YBX2: variants seen among roughly 807,000 people sequenced by gnomAD.
The protein encoded by YBX2 is Y-box-binding protein 2.
In YBX2, 5 loss-of-function variants were observed where a neutral mutation model predicts 44.4. The observed-to-expected ratio is 0.11, with a 90% CI of 0.06 to 0.24. YBX2 has a LOEUF of 0.24. Among genes scored for constraint, YBX2 ranks in the 10% least tolerant of loss-of-function variants. YBX2 has a pLI of 1.00. For synonymous variants in YBX2, 188 were observed against 216.1 expected (o/e 0.87, Z 1.14); for missense variants, 417 against 526.9 (o/e 0.79, Z 2.04).
chr17:7,293,399 G>C, intron 2 of YBX2, 76 bp downstream of exon 2: 1 of 1,606,940 alleles, frequency 6.2e-7, no homozygotes, highest in Middle Eastern at 1.7e-4. Flanking sequence ...GGGTCGATGA[G>C]GTTGGGCGGG....
chr17:7,289,433 G>A lies in YBX2; in HGVS notation c.1044+97C>T, dbSNP rs190999500. 1.6e-4 allele frequency: 248 copies of A among 1,520,738 alleles called. No homozygotes were observed. The East Asian group carries it at 4.6e-3, about 28-fold the overall frequency. 94.2% of individuals were successfully genotyped at this position (1,520,738 alleles called of 1,614,324 possible). On this transcript the variant is annotated intron_variant, in intron 7 of 8. Coordinates refer to ENST00000007699, the MANE Select transcript of YBX2 (RefSeq NM_015982.4). Reference sequence around the variant, plus strand: ...TGGTGGCAGGGCCAGGGCAGGGGAGGGGAGGAGCCAAAGGATAGAGTAGGA... The same window carrying A: ...TGGTGGCAGGGCCAGGGCAGGGGAGAGGAGGAGCCAAAGGATAGAGTAGGA...
At position 7,294,423 on chromosome 17, in the gene YBX2, T is replaced by C; in HGVS notation, c.78A>G (p.Val26=). The change falls in exon 1 of 9, where the codon GTA becomes GTG. Residue 26 remains valine, a synonymous_variant. Transcript: ENST00000007699. The surrounding 1 kb of genome is among the most constrained non-coding windows in gnomAD (Gnocchi z 4.6). Reference sequence around the variant, plus strand: ...CTGCGGGCACCGGTACCACCACCGCTACCACCCCTGCCGCCGTCGCGGGCA... The same window carrying C: ...CTGCGGGCACCGGTACCACCACCGCCACCACCCCTGCCGCCGTCGCGGGCA... The part of the protein sequence containing the change: ...ATVPATAAGV[V]AVVVPVPAGE... 3 of 1,465,976 alleles carry C rather than the reference T, an allele frequency of 2.0e-6. No homozygotes were observed. Among genetic ancestry groups the C allele is most frequent in the Non-Finnish European group, 2.7e-6 (3 of 1,112,050 alleles). 90.8% of individuals were successfully genotyped at this position (1,465,976 alleles called of 1,614,324 possible).
intron 2 of YBX2, chr17:7,292,827 G>T (rs2072511366): frequency 6.3e-6 from 1 of 157,988 alleles, no homozygotes; most frequent in Admixed American, 6.0e-5. Context: ...CTGCACAAAG[G>T]TCAGCCTGCT....
chr17:7,292,128 C>A, intron 2 of YBX2, 69 bp from the exon 3 acceptor site: 1 of 1,575,438 alleles, frequency 6.3e-7, no homozygotes, highest in South Asian at 1.1e-5. Flanking sequence ...TGAGGTCCCC[C>A]TAGATGCCCA....
At chr17:7,293,741 C>A in intron 1 of YBX2, 1 of 1,032,494 alleles carries the variant, frequency 9.7e-7, no homozygotes. Context: ...CACACAGGGA[C>A]TCAGGCTTTC....
rs1280693392 is a variant in YBX2, at chr17:7,289,627, GGCT to G, written c.944_946del (p.Glu315_Pro316delinsAla). ...GTAGGGGCGGTTTCGTGGGCGCTGG[GGCT>G]CAGGCCGGGAACCATCAGCGGGACC... On this transcript the variant is annotated inframe_deletion, in exon 7 of 9. Coordinates refer to ENST00000007699, the MANE Select transcript of YBX2 (RefSeq NM_015982.4). 6.2e-7 allele frequency: 1 copy of G among 1,613,936 alleles called. No homozygotes were observed. The highest frequency in any genetic ancestry group is 1.1e-5 in the South Asian group (1 of 91,086).
At chr17:7,293,182 A>C (rs1352350281) in intron 2 of YBX2, 1 of 500,592 alleles carries the variant, frequency 2.0e-6, no homozygotes, top group Non-Finnish European at 3.6e-6. Flanking sequence ...AAGGCATGTC[A>C]GAGTAAAAGT....
chr17:7,294,427 A>T lies in YBX2; in HGVS notation c.74T>A (p.Val25Glu). The stretch of plus-strand genomic sequence containing the variant: ...GGGCACCGGTACCACCACCGCTACC[A>T]CCCCTGCCGCCGTCGCGGGCACCGT... ...AATVPATAAGVVAVVVPVPAG... is the reference protein window; with the variant it reads ...AATVPATAAGEVAVVVPVPAG... Residue 25 changes from valine (V) to glutamate (E), a missense_variant, in exon 1 of 9, where the codon GTG becomes GAG. By Grantham distance (121) the Val-to-Glu change is moderately radical. Transcript: ENST00000007699. The surrounding 1 kb of genome is among the most constrained non-coding windows in gnomAD (Gnocchi z 4.6). The T allele has an allele frequency of 6.8e-7, 1 of 1,465,142 alleles. No individual in the cohort carries two copies. Among genetic ancestry groups the T allele is most frequent in the East Asian group, 3.0e-5 (1 of 32,828 alleles). The allele number at this position is 1,465,142 out of a possible 1,614,324, so 90.8% of individuals were successfully genotyped here.
Position 7,291,190 on chromosome 17 carries a change from G to A in YBX2, c.370-8C>T. 6 of 1,613,978 alleles carry A rather than the reference G, an allele frequency of 3.7e-6. No homozygotes were observed. The highest frequency in any genetic ancestry group is 2.2e-5 in the East Asian group (1 of 44,880). Reference sequence around the variant, plus strand: ...GTTTCTTTTAATAGCTGTCTGATTGGGGAAAAGGCCATGTGAAAAGTGAGA... The same window carrying A: ...GTTTCTTTTAATAGCTGTCTGATTGAGGAAAAGGCCATGTGAAAAGTGAGA... On this transcript the variant is annotated splice_polypyrimidine_tract_variant and splice_region_variant and intron_variant, in intron 3 of 8. Coordinates refer to ENST00000007699, the MANE Select transcript of YBX2 (RefSeq NM_015982.4). This position sits in a 1 kb window ranked among gnomAD's most constrained non-coding sequence, Gnocchi z 5.8.
Position 7,289,560 on chromosome 17 carries a change from G to A in YBX2, c.1014C>T (p.Ala338=). 3.1e-6 allele frequency: 5 copies of A among 1,605,666 alleles called. No homozygotes were observed. Among genetic ancestry groups the A allele is most frequent in the Non-Finnish European group, 4.2e-6 (5 of 1,177,300 alleles). The part of the protein sequence containing the change: ...RRQQAPGPQQ[A]PGPRQPAAPE... Reference sequence around the variant, plus strand: ...GGGCTGCGGGCTGCCGGGGGCCAGGGGCCTGCTGGGGGCCAGGGGCCTGCT... The same window carrying A: ...GGGCTGCGGGCTGCCGGGGGCCAGGAGCCTGCTGGGGGCCAGGGGCCTGCT... The change falls in exon 7 of 9, where the codon GCC becomes GCT. Residue 338 remains alanine, a synonymous_variant. Coordinates refer to ENST00000007699, the MANE Select transcript of YBX2 (RefSeq NM_015982.4).
chr17:7,291,026 T>C lies in YBX2; in HGVS notation c.459+67A>G. The C allele has an allele frequency of 6.6e-7, 1 of 1,522,150 alleles. No individual in the cohort carries two copies. Among genetic ancestry groups the C allele is most frequent in the Non-Finnish European group, 9.1e-7 (1 of 1,097,924 alleles). The allele number at this position is 1,522,150 out of a possible 1,614,324, so 94.3% of individuals were successfully genotyped here. A position where few individuals can be genotyped will look rare whatever the true frequency, so the allele number is the denominator to read the frequency against. On this transcript the variant is annotated intron_variant, in intron 4 of 8. Coordinates refer to ENST00000007699, the MANE Select transcript of YBX2 (RefSeq NM_015982.4). This position sits in a 1 kb window ranked among gnomAD's most constrained non-coding sequence, Gnocchi z 5.8. ...AGCTGGCCCCAGGAGGGTCTTAGCC[T>C]GTGATGACCTCCAGGCCACCCTCCC...
Position 7,291,284 on chromosome 17 carries a change from T to G in YBX2, c.370-102A>C. 2 of 1,207,894 alleles carry G rather than the reference T, an allele frequency of 1.7e-6. No individual in the cohort carries two copies. The highest frequency in any genetic ancestry group is 1.2e-6 in the Non-Finnish European group (1 of 826,830). The allele number at this position is 1,207,894 out of a possible 1,614,324, so 74.8% of individuals were successfully genotyped here. A position where few individuals can be genotyped will look rare whatever the true frequency, so the allele number is the denominator to read the frequency against. On this transcript the variant is annotated intron_variant, in intron 3 of 8. Coordinates refer to ENST00000007699, the MANE Select transcript of YBX2 (RefSeq NM_015982.4). The surrounding 1 kb of genome is among the most constrained non-coding windows in gnomAD (Gnocchi z 5.8). ...CAATTTCATTCTTTCAACATTTGAC[T>G]TGGGGTCTAGAGCTGGAGGGTGGAG...
chr17:7,293,455 G>C lies in YBX2; in HGVS notation c.335+20C>G. Reference sequence around the variant, plus strand: ...CTGGGAAGACACCCATTCCACCCCCGCCCTGGGTTCCTTGGATACCTGTTG... The same window carrying C: ...CTGGGAAGACACCCATTCCACCCCCCCCCTGGGTTCCTTGGATACCTGTTG... On this transcript the variant is annotated intron_variant, in intron 2 of 8. Coordinates refer to ENST00000007699, the MANE Select transcript of YBX2 (RefSeq NM_015982.4). 1 of 1,613,940 alleles carries C rather than the reference G, an allele frequency of 6.2e-7. No individual in the cohort carries two copies. Among genetic ancestry groups the C allele is most frequent in the Non-Finnish European group, 8.5e-7 (1 of 1,179,898 alleles).
chr17:7,289,389 C>G (rs1353105737), intron 7 of YBX2, 141 bp downstream of exon 7: 5 of 1,301,556 alleles, frequency 3.8e-6, no homozygotes, highest in Non-Finnish European at 5.2e-6. Context: ...GGGGACCCAG[C>G]AGGCTGCATG....
At position 7,294,362 on chromosome 17, in the gene YBX2, C is replaced by A; in HGVS notation, c.139G>T (p.Gly47Cys). 1 of 1,386,088 alleles carries A rather than the reference C, an allele frequency of 7.2e-7. No individual in the cohort carries two copies. The highest frequency in any genetic ancestry group is 9.4e-7 in the Non-Finnish European group (1 of 1,068,766). 85.9% of individuals were successfully genotyped at this position (1,386,088 alleles called of 1,614,324 possible). A position where few individuals can be genotyped will look rare whatever the true frequency, so the allele number is the denominator to read the frequency against. Residue 47 changes from glycine to cysteine, a missense_variant, in exon 1 of 9, where the codon GGC becomes TGC. Gly to Cys is a radical substitution (Grantham distance 159, BLOSUM62 -3). Transcript: ENST00000007699. This position sits in a 1 kb window ranked among gnomAD's most constrained non-coding sequence, Gnocchi z 4.6. ...GCAGCGGGGCCCGAGGCGGCTCCGC[C>A]CCCGCCGCCCGCCCCGCCGCCTTTC... ...PQKGGGAGGG[G>C]GAASGPAAGT...
At chr17:7,290,993 C>G in intron 4 of YBX2, 100 bp downstream of exon 4, 2 of 1,165,484 alleles carry the variant, frequency 1.7e-6, no homozygotes, top group South Asian at 2.4e-5. Flanking sequence ...TCCCGCAGAA[C>G]GGGTCAGAGC....
chr17:7,294,132 A>C lies in YBX2; in HGVS notation c.271+98T>G. 1 of 1,203,670 alleles carries C rather than the reference A, an allele frequency of 8.3e-7. No homozygotes were observed. The allele number at this position is 1,203,670 out of a possible 1,614,324, so 74.6% of individuals were successfully genotyped here. On this transcript the variant is annotated intron_variant, in intron 1 of 8. Coordinates refer to ENST00000007699, the MANE Select transcript of YBX2 (RefSeq NM_015982.4). This position sits in a 1 kb window ranked among gnomAD's most constrained non-coding sequence, Gnocchi z 4.6. ...AGTTAGCGCTCTGGGCCTGCGGGCC[A>C]GGCCGCCTTTGGTTTTCCGGATCCT...
At position 7,288,319 on chromosome 17, in the gene YBX2, T is replaced by C. The variant is rs1221287713; in HGVS notation, c.*364A>G. 1 of 173,068 alleles carries C rather than the reference T, an allele frequency of 5.8e-6. No individual in the cohort carries two copies. Among genetic ancestry groups the C allele is most frequent in the African/African-American group, 2.4e-5 (1 of 41,802 alleles). 10.7% of individuals were successfully genotyped at this position (173,068 alleles called of 1,614,324 possible). ...GGCACATGACAGATCATAAAATGGC[T>C]TCAGAGGTAGGGGGCCGGGGGAAAA... On this transcript the variant is annotated 3_prime_UTR_variant, in exon 9 of 9. Transcript: ENST00000007699.
rs2072520476 is a variant in YBX2, at chr17:7,294,005, C to A, written c.271+225G>T. ...CGGACCCTGGGGCTTTATTCTCCACCCCAAGACCTTAGCTGAACCTGCCGG... is the reference window on the plus strand; with the variant it reads ...CGGACCCTGGGGCTTTATTCTCCACACCAAGACCTTAGCTGAACCTGCCGG... On this transcript the variant is annotated intron_variant, in intron 1 of 8. Transcript: ENST00000007699. The surrounding 1 kb of genome is among the most constrained non-coding windows in gnomAD (Gnocchi z 4.6). 1 of 514,702 alleles carries A rather than the reference C, an allele frequency of 1.9e-6. No homozygotes were observed. Among genetic ancestry groups the A allele is most frequent in the Non-Finnish European group, 3.1e-6 (1 of 324,738 alleles). The allele number at this position is 514,702 out of a possible 1,614,324, so 31.9% of individuals were successfully genotyped here.
Sources: gnomAD v4.1 joint callset for allele counts on GRCh38, gnomAD v4.1.1 for gene constraint, Gnocchi (gnomAD v3.1) non-coding constraint, MANE v1.5 for transcripts, NCBI Gene and HGNC (gene_info 2026-07-23, HGNC 2026-07-21) for gene names.